Variants in CSMD1 observed in about 807,000 individuals in gnomAD.
CSMD1 encodes CUB and Sushi multiple domains 1.
A neutral mutation model predicts 417.5 loss-of-function variants in CSMD1; 213 were observed. The observed-to-expected ratio is 0.51, with a 90% confidence interval of 0.46 to 0.57. The LOEUF (loss-of-function observed/expected upper bound fraction) is 0.57, where lower values mean the gene tolerates loss of function less well. Among genes scored for constraint, CSMD1 ranks in the 20% least tolerant of loss-of-function variants. The pLI, the probability that CSMD1 is intolerant of heterozygous loss-of-function variation, is 0.00. For missense variants in CSMD1, 6,923 were observed against 4,529.7 expected (o/e 1.53, Z -15.17); for synonymous variants, 2,862 against 1,736.8 (o/e 1.65, Z -16.11).
intron 5 of CSMD1, among the ~76,000 whole-genome samples, chr8:3,957,582 G>A (rs1235266437): frequency 6.6e-6 from 1 of 152,104 alleles, no homozygotes; most frequent in Non-Finnish European, 1.5e-5. Context: ...TACTCAGAAG[G>A]CTGAGGTGGA....
intron 26 of CSMD1, among the ~76,000 whole-genome samples, chr8:3,270,423 C>T (rs557487140): frequency 8.7e-4 from 132 of 152,172 alleles, no homozygotes; most frequent in South Asian, 2.1e-3. Flanking sequence ...AAAAAATGAT[C>T]AGTTTTAATG....
At chr8:3,940,165 T>C (rs1257051120) in intron 5 of CSMD1, among the ~76,000 whole-genome samples, 2 of 152,162 alleles carry the variant, frequency 1.3e-5, no homozygotes, top group Non-Finnish European at 1.5e-5. Flanking sequence ...TGTCATTGTG[T>C]TTCAAACATG....
At chr8:3,059,785 C>T (rs967028408) in intron 49 of CSMD1, among the ~76,000 whole-genome samples, 2 of 151,994 alleles carry the variant, frequency 1.3e-5, no homozygotes, top group Admixed American at 1.3e-4. Flanking sequence ...CTGGGACCAA[C>T]AGGGTGTGGG....
rs930760158 is a variant in CSMD1 at position 4,321,213 on chromosome 8, G to A, written c.415+98740C>T. Among the ~76,000 whole-genome samples, 8 of 152,062 alleles carry A rather than the reference G, an allele frequency of 5.3e-5. No homozygotes were observed. The East Asian group carries it at 1.5e-3, about 29-fold the overall frequency. ...GGTTCAACATGTGTGTCCAGTGCAT[G>A]AACACGTTCATGAGGCGTGCCTACA... On this transcript the variant is annotated intron_variant, in intron 3 of 69. Coordinates refer to ENST00000635120, the MANE Select transcript of CSMD1 (RefSeq NM_033225.6).
intron 2 of CSMD1, among the ~76,000 whole-genome samples, chr8:4,508,899 CT>C (rs1802675841): frequency 6.6e-6 from 1 of 151,888 alleles, no homozygotes; most frequent in Non-Finnish European, 1.5e-5. Context: ...AGGAAAATGC[CT>C]AAATAGGATG....
chr8:4,644,070 G>C (rs1340652089), intron 1 of CSMD1, among the ~76,000 whole-genome samples: 1 of 152,212 alleles, frequency 6.6e-6, no homozygotes, highest in Non-Finnish European at 1.5e-5. Context: ...CTGCCTGAAA[G>C]AGAGCCAAGG....
chr8:3,048,347 G>A (rs1209899602), intron 50 of CSMD1, among the ~76,000 whole-genome samples: 2 of 152,082 alleles, frequency 1.3e-5, no homozygotes, highest in Non-Finnish European at 2.9e-5. Context: ...CAAATAAAAC[G>A]GAGGTAAGAA....
At chr8:4,106,772 G>A (rs1362793165) in intron 3 of CSMD1, among the ~76,000 whole-genome samples, 2 of 152,110 alleles carry the variant, frequency 1.3e-5, no homozygotes, top group African/African-American at 2.4e-5. Flanking sequence ...GTGATCAGCG[G>A]CCACAGTGGC....
chr8:4,943,313 A>G (rs1017794831), intron 1 of CSMD1, among the ~76,000 whole-genome samples: 5 of 151,860 alleles, frequency 3.3e-5, no homozygotes, highest in African/African-American at 1.2e-4. Context: ...GGCTGACACT[A>G]TGAAAACCCG....
chr8:3,774,406 A>G (rs1023719945), intron 5 of CSMD1, among the ~76,000 whole-genome samples: 2 of 152,160 alleles, frequency 1.3e-5, no homozygotes, highest in Non-Finnish European at 2.9e-5. Context: ...TTTTTCAAAG[A>G]TGCCGTCAGC....
intron 18 of CSMD1, among the ~76,000 whole-genome samples, chr8:3,377,432 C>G (rs892344251): frequency 1.3e-5 from 2 of 152,128 alleles, no homozygotes; most frequent in Non-Finnish European, 2.9e-5. Context: ...ACATTTATAT[C>G]GACAGACAAT....
intron 38 of CSMD1, among the ~76,000 whole-genome samples, chr8:3,161,610 G>A (rs558260339): frequency 2.2e-5 from 3 of 135,598 alleles, no homozygotes; most frequent in Non-Finnish European, 4.6e-5. Context: ...GTGACAGAGC[G>A]AGACTCCCTC....
chr8:4,223,483 T>C (rs556082871), intron 3 of CSMD1, among the ~76,000 whole-genome samples: 5 of 152,188 alleles, frequency 3.3e-5, no homozygotes, highest in African/African-American at 9.6e-5. Context: ...GGAAGGATAA[T>C]TGGTAGAGAT....
At chr8:4,139,243 T>C (rs1803628386) in intron 3 of CSMD1, among the ~76,000 whole-genome samples, 1 of 152,234 alleles carries the variant, frequency 6.6e-6, no homozygotes, top group Non-Finnish European at 1.5e-5. Flanking sequence ...AAGGCGAATT[T>C]AGCTTCATTA....
chr8:4,630,723 C>A (rs1802460035), intron 2 of CSMD1, among the ~76,000 whole-genome samples: 1 of 152,138 alleles, frequency 6.6e-6, no homozygotes, highest in African/African-American at 2.4e-5. Flanking sequence ...CTGGTGCCCT[C>A]ACTAAGGTAC....
intron 26 of CSMD1, among the ~76,000 whole-genome samples, chr8:3,238,598 T>G (rs1585750622): frequency 2.0e-5 from 3 of 151,250 alleles, no homozygotes; most frequent in African/African-American, 7.3e-5. Flanking sequence ...TGGTAAGGGG[T>G]GATATTGTGG....
chr8:4,098,236 A>C (rs1415706595), intron 3 of CSMD1, among the ~76,000 whole-genome samples: 1 of 152,218 alleles, frequency 6.6e-6, no homozygotes, highest in Admixed American at 6.5e-5. Flanking sequence ...ATCTAATTAT[A>C]TTACAATAAA....
At chr8:3,708,263 G>A (rs1179184369) in intron 7 of CSMD1, 151 bp downstream of exon 7, 15 of 653,260 alleles carry the variant, frequency 2.3e-5, no homozygotes, top group Non-Finnish European at 4.0e-5. Flanking sequence ...GTTAGTGCAT[G>A]TTCTTTCTCC....
At chr8:4,294,563 T>TGTTA (rs1797560184) in intron 3 of CSMD1, among the ~76,000 whole-genome samples, 1 of 152,152 alleles carries the variant, frequency 6.6e-6, no homozygotes, top group Non-Finnish European at 1.5e-5. Context: ...CATGGTGCCA[T>TGTTA]GTTAGAGAAT....
Sources: allele counts gnomAD v4.1 joint callset (sites outside exome capture counted in the v4.1 genomes callset), GRCh38; gene constraint gnomAD v4.1.1; transcripts MANE v1.5; gene names NCBI Gene and HGNC (gene_info 2026-07-23, HGNC 2026-07-21).